ADAMTS3: variants seen among roughly 807,000 people sequenced by gnomAD.
The protein encoded by ADAMTS3 is A disintegrin and metalloproteinase with thrombospondin motifs 3.
Under a neutral mutation model 129.0 loss-of-function variants are expected in ADAMTS3, and 73 were observed. That is an observed-to-expected ratio of 0.57 (90% CI 0.47 to 0.69). The LOEUF (loss-of-function observed/expected upper bound fraction) is 0.69, where lower values mean the gene tolerates loss of function less well. Among genes scored for constraint, ADAMTS3 ranks in the 30% least tolerant of loss-of-function variants. ADAMTS3 has a pLI of 0.00. For missense variants in ADAMTS3, 1,457 were observed against 1,514.5 expected, an observed-to-expected ratio of 0.96 and a Z score of 0.63; for synonymous variants, 477 against 510.8, an observed-to-expected ratio of 0.93 and a Z score of 0.89.
At chr4:72,305,608 A>G (rs911589990) in intron 16 of ADAMTS3, among the ~76,000 whole-genome samples, 7 of 152,082 alleles carry the variant, frequency 4.6e-5, no homozygotes, top group African/African-American at 1.7e-4. Flanking sequence ...ACAAAATTAA[A>G]GCTCTACTTT....
intron 4 of ADAMTS3, among the ~76,000 whole-genome samples, chr4:72,365,247 A>G (rs1416841757): frequency 1.3e-5 from 2 of 152,212 alleles, no homozygotes; most frequent in African/African-American, 4.8e-5. Flanking sequence ...CAGCTGGAGA[A>G]ATGAGCAGAC....
intron 2 of ADAMTS3, among the ~76,000 whole-genome samples, chr4:72,564,664 T>C (rs1291101815): frequency 2.0e-5 from 3 of 152,144 alleles, no homozygotes; most frequent in African/African-American, 7.2e-5. Context: ...CAAGAAGGTA[T>C]TATTCCACTG....
intron 3 of ADAMTS3, among the ~76,000 whole-genome samples, chr4:72,462,887 T>G (rs1031734120): frequency 6.6e-6 from 1 of 151,816 alleles, no homozygotes; most frequent in Non-Finnish European, 1.5e-5. Flanking sequence ...GAAAGAAAAT[T>G]TTTAAAATAA....
intron 14 of ADAMTS3, 130 bp downstream of exon 14, chr4:72,310,918 G>T: frequency 1.2e-6 from 1 of 801,780 alleles, no homozygotes; most frequent in Non-Finnish European, 1.8e-6. Flanking sequence ...TTTAGCTATT[G>T]AACTATTCAT....
intron 4 of ADAMTS3, among the ~76,000 whole-genome samples, chr4:72,387,022 A>G (rs1199310461): frequency 3.3e-5 from 5 of 152,212 alleles, no homozygotes; most frequent in African/African-American, 1.2e-4. Flanking sequence ...AATCTCAAAA[A>G]CCTATTCTTC....
At chr4:72,302,876 G>A (rs1287664937) in intron 17 of ADAMTS3, among the ~76,000 whole-genome samples, 1 of 152,082 alleles carries the variant, frequency 6.6e-6, no homozygotes, top group Non-Finnish European at 1.5e-5. Context: ...AGTAAAAGAG[G>A]GCTCCTGTAT....
chr4:72,484,996 GTGTAAAATGTCAGTAAGATGAAATGGGT>G lies in ADAMTS3; in HGVS notation c.504+63454_504+63481del, dbSNP rs922041820. ...GTGCTCAAAACTTCTTGAAAATGGTGTGTAAAATGTCAGTAAGATGAAATGGGTTGTAAAATGTCAGTAAGATGAAATG... is the reference window on the plus strand; with the variant it reads ...GTGCTCAAAACTTCTTGAAAATGGTGTGTAAAATGTCAGTAAGATGAAATG... On this transcript the variant is annotated intron_variant, in intron 3 of 21. Coordinates refer to ENST00000286657, the MANE Select transcript of ADAMTS3 (RefSeq NM_014243.3). Among the ~76,000 whole-genome samples, 62 of 152,244 alleles carry G rather than the reference GTGTAAAATGTCAGTAAGATGAAATGGGT, an allele frequency of 4.1e-4. 3 individuals are homozygous for G. The South Asian group carries it at 0.012, about 30-fold the overall frequency.
chr4:72,327,873 T>A lies in ADAMTS3; in HGVS notation c.862-4776A>T, dbSNP rs185134423. Among the ~76,000 whole-genome samples, 228 of 152,308 alleles carry A rather than the reference T, an allele frequency of 1.5e-3. 1 individual carries two copies. The highest frequency in any genetic ancestry group is 5.3e-3 in the African/African-American group (220 of 41,574). ...TTTAAGAAAATGAGGAGCGAGGCTC[T>A]AAACTGAATATAAATAAGGATTTAT... On this transcript the variant is annotated intron_variant, in intron 5 of 21. Coordinates refer to ENST00000286657, the MANE Select transcript of ADAMTS3 (RefSeq NM_014243.3).
Position 72,548,697 on chromosome 4 carries a change from T to G in ADAMTS3, c.285A>C (p.Leu95=), listed in dbSNP as rs749172569. The change falls in exon 3 of 22, where the codon CTA becomes CTC. Residue 95 remains leucine (L), a synonymous_variant. Coordinates refer to ENST00000286657, the MANE Select transcript of ADAMTS3 (RefSeq NM_014243.3). ...TAFGKDFHLR[L]KPNTQLVAPG... is the part of the protein sequence containing the mutation. ...GAGCTACTAGTTGAGTGTTGGGCTT[T>G]AGTCGCAGATGAAAATCTTTTCCAA... The G allele has an allele frequency of 6.2e-7, 1 of 1,613,992 alleles. No homozygotes were observed. The highest frequency in any genetic ancestry group is 8.5e-7 in the Non-Finnish European group (1 of 1,179,906).
intron 4 of ADAMTS3, among the ~76,000 whole-genome samples, chr4:72,387,024 C>G (rs542495078): frequency 6.6e-6 from 1 of 152,246 alleles, no homozygotes; most frequent in Non-Finnish European, 1.5e-5. Context: ...TCTCAAAAAC[C>G]TATTCTTCAT....
At chr4:72,498,372 A>T (rs1417098075) in intron 3 of ADAMTS3, among the ~76,000 whole-genome samples, 2 of 151,962 alleles carry the variant, frequency 1.3e-5, no homozygotes, top group African/African-American at 4.8e-5. Context: ...AGACATCAGA[A>T]CTCAAACCAT....
At chr4:72,446,674 T>C (rs1718261169) in intron 3 of ADAMTS3, among the ~76,000 whole-genome samples, 1 of 151,724 alleles carries the variant, frequency 6.6e-6, no homozygotes, top group Non-Finnish European at 1.5e-5. Flanking sequence ...ATTAATTTAA[T>C]ATGAGGCCTT....
intron 3 of ADAMTS3, among the ~76,000 whole-genome samples, chr4:72,513,385 C>A (rs953839655): frequency 2.0e-5 from 3 of 152,132 alleles, no homozygotes; most frequent in Admixed American, 1.3e-4. Flanking sequence ...ATGACCACAG[C>A]TACTGTTCTA....
intron 3 of ADAMTS3, among the ~76,000 whole-genome samples, chr4:72,531,567 T>C (rs1042564190): frequency 9.2e-5 from 14 of 152,046 alleles, no homozygotes; most frequent in African/African-American, 3.4e-4. Flanking sequence ...ACAGGGTACG[T>C]GGCTGGCTCA....
intron 4 of ADAMTS3, among the ~76,000 whole-genome samples, chr4:72,354,471 G>C (rs938511030): frequency 1.3e-5 from 2 of 151,920 alleles, no homozygotes; most frequent in African/African-American, 4.8e-5. Context: ...TCCACTCTGA[G>C]TTTCCCAGAT....
At chr4:72,503,706 A>T (rs1010384693) in intron 3 of ADAMTS3, among the ~76,000 whole-genome samples, 4 of 152,112 alleles carry the variant, frequency 2.6e-5, no homozygotes, top group Non-Finnish European at 5.9e-5. Flanking sequence ...AGTTGTTGAA[A>T]TCCCTCAGTA....
At chr4:72,542,290 G>A (rs188231504) in intron 3 of ADAMTS3, among the ~76,000 whole-genome samples, 3 of 151,908 alleles carry the variant, frequency 2.0e-5, no homozygotes, top group Non-Finnish European at 2.9e-5. Context: ...TCAGCCTCCC[G>A]AGTCGCTGGG....
chr4:72,363,679 T>C (rs191226388), intron 4 of ADAMTS3, among the ~76,000 whole-genome samples: 57 of 152,042 alleles, frequency 3.7e-4, no homozygotes, highest in Admixed American at 1.5e-3. Context: ...CGGATACCTG[T>C]AAACAGTAGT....
At chr4:72,459,965 A>C (rs1031728909) in intron 3 of ADAMTS3, among the ~76,000 whole-genome samples, 1 of 151,648 alleles carries the variant, frequency 6.6e-6, no homozygotes, top group Non-Finnish European at 1.5e-5. Context: ...GACTCATCAC[A>C]TAAGTTCAGG....
Sources: allele counts gnomAD v4.1 joint callset (sites outside exome capture counted in the v4.1 genomes callset), GRCh38; gene constraint gnomAD v4.1.1; transcripts MANE v1.5; gene names NCBI Gene and HGNC (gene_info 2026-07-23, HGNC 2026-07-21).